SCAF11: variants seen among roughly 807,000 people sequenced by gnomAD.
SCAF11 encodes the protein protein SCAF11.
In SCAF11, 47 loss-of-function variants were observed where a neutral mutation model predicts 140.5. The observed-to-expected ratio is 0.33, with a 90% confidence interval of 0.26 to 0.43. The LOEUF (loss-of-function observed/expected upper bound fraction) is 0.43, where lower values mean the gene tolerates loss of function less well. Among genes scored for constraint, SCAF11 ranks in the 20% least tolerant of loss-of-function variants. The pLI is 1.00. For missense variants in SCAF11, 1,645 were observed against 1,705.1 expected, an observed-to-expected ratio of 0.96 and a Z score of 0.62; for synonymous variants, 557 against 579.4, an observed-to-expected ratio of 0.96 and a Z score of 0.55.
chr12:45,935,503 A>G (rs1430344423), intron 6 of SCAF11, among the ~76,000 whole-genome samples: 2 of 152,328 alleles, frequency 1.3e-5, no homozygotes, highest in Non-Finnish European at 2.9e-5. Context: ...AATGTGTGGT[A>G]GGTACACAGA....
intron 12 of SCAF11, among the ~76,000 whole-genome samples, chr12:45,923,552 A>G (rs1428281854): frequency 6.6e-6 from 1 of 152,182 alleles, no homozygotes; most frequent in African/African-American, 2.4e-5. Flanking sequence ...TAGTAAGTTG[A>G]CAGGAGAAAA....
chr12:45,984,093 G>C (rs999665541), intron 1 of SCAF11, among the ~76,000 whole-genome samples: 3 of 152,080 alleles, frequency 2.0e-5, no homozygotes, highest in Non-Finnish European at 2.9e-5. Context: ...AAGTTAGTGA[G>C]CAAAATGCTC....
upstream of SCAF11, chr12:45,990,697 T>C (rs1174789881): frequency 2.6e-6 from 2 of 773,224 alleles, no homozygotes; most frequent in Non-Finnish European, 1.7e-6. Flanking sequence ...CTCGCCACAT[T>C]CTGCTTACTC....
intron 3 of SCAF11, 23 bp from the exon 4 acceptor site, chr12:45,951,750 T>A: frequency 5.5e-6 from 8 of 1,463,030 alleles, no homozygotes; most frequent in Non-Finnish European, 7.5e-6. Context: ...TAACAAATTA[T>A]ATCTTTACAA....
intron 1 of SCAF11, among the ~76,000 whole-genome samples, chr12:45,972,910 A>T (rs1398628163): frequency 1.5e-4 from 13 of 87,856 alleles, no homozygotes; most frequent in African/African-American, 7.6e-4. Flanking sequence ...ATATATATAG[A>T]TATATATATA....
chr12:45,974,111 A>G, intron 1 of SCAF11: 1 of 445,118 alleles, frequency 2.2e-6, no homozygotes, highest in Non-Finnish European at 4.6e-6. Context: ...CCTAGTATAT[A>G]TGTTTATATT....
chr12:45,943,480 ATAT>A (rs1463413213), intron 6 of SCAF11, among the ~76,000 whole-genome samples: 24 of 152,218 alleles, frequency 1.6e-4, no homozygotes, highest in African/African-American at 5.8e-4. Flanking sequence ...TAATTGTTCT[ATAT>A]TATTATTCAT....
chr12:45,982,828 T>C (rs1274308525), intron 1 of SCAF11, among the ~76,000 whole-genome samples: 1 of 152,204 alleles, frequency 6.6e-6, no homozygotes, highest in East Asian at 1.9e-4. Context: ...TACTTTAAGC[T>C]GCTAAATAAC....
intron 12 of SCAF11, among the ~76,000 whole-genome samples, chr12:45,923,573 G>C (rs1460160296): frequency 6.6e-6 from 1 of 152,122 alleles, no homozygotes; most frequent in Non-Finnish European, 1.5e-5. Context: ...AAGGCTTGCA[G>C]TAAGTTGACA....
At chr12:45,979,204 G>C (rs66481242) in intron 1 of SCAF11, among the ~76,000 whole-genome samples, 2 of 141,862 alleles carry the variant, frequency 1.4e-5, no homozygotes, top group East Asian at 5.1e-4. Context: ...CATGAGGGCA[G>C]AGCCCTCACA....
Position 45,948,485 on chromosome 12 carries a change from G to A in SCAF11, c.350C>T (p.Ser117Leu). 1.2e-6 allele frequency: 2 copies of A among 1,611,842 alleles called. No individual in the cohort carries two copies. Among genetic ancestry groups the A allele is most frequent in the Non-Finnish European group, 1.7e-6 (2 of 1,179,220 alleles). The change falls in exon 5 of 15, where the codon TCA becomes TTA. Residue 117 changes from serine (S) to leucine (L), a missense_variant. Transcript: ENST00000369367. The stretch of plus-strand genomic sequence containing the variant: ...ATGACAGGAGACCTGTTTCTCAAAT[G>A]AGTTTTCATTTTTCTTGTCTTTTGT... ...RETKDKKNEN[S>L]FEKQVSCHEN...
intron 1 of SCAF11, among the ~76,000 whole-genome samples, chr12:45,976,457 A>C (rs1946237200): frequency 6.6e-6 from 1 of 152,162 alleles, no homozygotes; most frequent in Non-Finnish European, 1.5e-5. Context: ...ATGTACATAT[A>C]GGAAAAAACA....
intron 4 of SCAF11, among the ~76,000 whole-genome samples, chr12:45,951,295 A>C (rs2136576618): frequency 6.6e-6 from 1 of 152,246 alleles, no homozygotes; most frequent in African/African-American, 2.4e-5. Flanking sequence ...CTAGCCAATT[A>C]AATTCTTTGA....
Position 45,927,302 on chromosome 12 carries a change from G to A in SCAF11, c.2399C>T (p.Thr800Ile). ...TGGAGTGTCTTTGTTGGGTGACCAA[G>A]TTGTAGATGGAGAATGAAATCTAGA... ...RRSRFHSPST[T>I]WSPNKDTPQE... Residue 800 changes from threonine (T) to isoleucine (I), a missense_variant, in exon 11 of 15, where the codon ACT becomes ATT. Around this residue, in one of 2 missense-constraint regions of SCAF11, gnomAD observed 1,582 missense variants for 1,609.2 expected, o/e 0.98. Coordinates refer to ENST00000369367, the MANE Select transcript of SCAF11 (RefSeq NM_004719.3). The A allele has an allele frequency of 6.2e-7, 1 of 1,614,042 alleles. No individual in the cohort carries two copies. Among genetic ancestry groups the A allele is most frequent in the South Asian group, 1.1e-5 (1 of 91,070 alleles).
chr12:45,938,524 C>G (rs903031437), intron 6 of SCAF11, among the ~76,000 whole-genome samples: 9 of 151,802 alleles, frequency 5.9e-5, no homozygotes, highest in African/African-American at 2.2e-4. Flanking sequence ...AAAAAACACA[C>G]TTTTCTTTCA....
Position 45,927,438 on chromosome 12 carries a change from T to C in SCAF11, c.2263A>G (p.Asn755Asp). ...GCAAGATCAGAAGACGGCATATTAT[T>C]TTCAGAACAGTGTGTCACAGAATTT... ...NENSVTHCSE[N>D]NMPSSDLADE... The change falls in exon 11 of 15, where the codon AAT becomes GAT. Residue 755 changes from asparagine to aspartate, a missense_variant. Physicochemically the swap from Asn to Asp is conservative, Grantham distance 23. Coordinates refer to ENST00000369367, the MANE Select transcript of SCAF11 (RefSeq NM_004719.3). 1 of 1,613,630 alleles carries C rather than the reference T, an allele frequency of 6.2e-7. No homozygotes were observed. The highest frequency in any genetic ancestry group is 8.5e-7 in the Non-Finnish European group (1 of 1,179,878).
intron 3 of SCAF11, chr12:45,954,963 T>TTTGC (rs2136590237): frequency 6.6e-6 from 1 of 151,742 alleles, no homozygotes; most frequent in African/African-American, 2.4e-5. Flanking sequence ...AGCATAATTG[T>TTTGC]CTTAGGTTTG....
intron 3 of SCAF11, among the ~76,000 whole-genome samples, chr12:45,958,063 G>A (rs1356290333): frequency 6.6e-6 from 1 of 151,758 alleles, no homozygotes; most frequent in Non-Finnish European, 1.5e-5. Context: ...ACCATGCCTG[G>A]CTAATTTTTT....
rs1195359194 is a variant in SCAF11 at position 45,920,577 on chromosome 12, A to G, written c.*1471T>C. The stretch of plus-strand genomic sequence containing the variant: ...TAAACATTTTAAACTTACCTTTTAT[A>G]AAAACTGAGATATTCTAGTATTAAA... On this transcript the variant is annotated 3_prime_UTR_variant, in exon 15 of 15. Coordinates refer to ENST00000369367, the MANE Select transcript of SCAF11 (RefSeq NM_004719.3). 1 of 152,542 alleles carries G rather than the reference A, an allele frequency of 6.6e-6. No individual in the cohort carries two copies. The highest frequency in any genetic ancestry group is 1.5e-5 in the Non-Finnish European group (1 of 68,016). 9.4% of individuals were successfully genotyped at this position (152,542 alleles called of 1,614,324 possible). A position where few individuals can be genotyped will look rare whatever the true frequency, so the allele number is the denominator to read the frequency against.
Sources: gnomAD v4.1 joint callset for allele counts (sites outside exome capture counted in the v4.1 genomes callset) on GRCh38, gnomAD v4.1.1 for gene constraint, gnomAD v4.1.1 regional missense constraint, MANE v1.5 for transcripts, NCBI Gene and HGNC (gene_info 2026-07-23, HGNC 2026-07-21) for gene names.